Variants in SNTG2 observed in about 807,000 individuals in gnomAD.
SNTG2 encodes gamma-2-syntrophin.
Under a neutral mutation model 70.9 loss-of-function variants are expected in SNTG2, and 74 were observed. The ratio of observed to expected loss-of-function variants is 1.04; its 90% CI spans 0.86 to 1.27. The LOEUF is 1.27. Ranked by LOEUF, SNTG2 falls within the 50% of genes most tolerant of loss-of-function variation. SNTG2 has a pLI of 0.00. For missense variants in SNTG2, 717 were observed against 690.7 expected, an observed-to-expected ratio of 1.04 and a Z score of -0.43; for synonymous variants, 278 against 273.8, an observed-to-expected ratio of 1.02 and a Z score of -0.15.
intron 1 of SNTG2, among the ~76,000 whole-genome samples, chr2:954,197 C>T (rs1010675820): frequency 2.0e-5 from 3 of 151,844 alleles, no homozygotes; most frequent in Non-Finnish European, 4.4e-5. Context: ...GGCAGGTGCT[C>T]GTGGAAATGG....
Position 1,247,436 on chromosome 2 carries a change from C to G in SNTG2, c.998C>G (p.Thr333Ser). ...LKGPSFYVFSTPPVSTFDWVR... is the reference protein window; with the variant it reads ...LKGPSFYVFSSPPVSTFDWVR... ...GGCCCGTCCTTCTACGTTTTCAGCACTCCTCCGGTAAGGATGCTTTTGACA... is the reference window on the plus strand; with the variant it reads ...GGCCCGTCCTTCTACGTTTTCAGCAGTCCTCCGGTAAGGATGCTTTTGACA... Residue 333 changes from threonine (T) to serine (S), a missense_variant, in exon 12 of 17, where the codon ACT becomes AGT. Transcript: ENST00000308624. The G allele has an allele frequency of 6.2e-7, 1 of 1,610,918 alleles. No individual in the cohort carries two copies. Among genetic ancestry groups the G allele is most frequent in the Non-Finnish European group, 8.5e-7 (1 of 1,177,142 alleles).
chr2:1,281,427 TGTGGTGTGTGTGTG>T (rs1679536049), intron 14 of SNTG2, among the ~76,000 whole-genome samples: 1 of 134,028 alleles, frequency 7.5e-6, no homozygotes, highest in African/African-American at 2.9e-5. Flanking sequence ...GTGTGTGTGG[TGTGGTGTGTGTGTG>T]GTGGTATGTG....
chr2:1,239,905 G>T, intron 11 of SNTG2, 129 bp downstream of exon 11: 1 of 1,138,868 alleles, frequency 8.8e-7, no homozygotes. Flanking sequence ...ATGTTGATAG[G>T]AAAACATTAG....
chr2:1,283,484 A>G (rs889592805), intron 14 of SNTG2, among the ~76,000 whole-genome samples: 2 of 152,164 alleles, frequency 1.3e-5, no homozygotes, highest in Non-Finnish European at 2.9e-5. Flanking sequence ...GTGCACCTGC[A>G]GGGCATCCAG....
intron 1 of SNTG2, among the ~76,000 whole-genome samples, chr2:1,034,593 C>A (rs1488468791): frequency 6.6e-6 from 1 of 152,154 alleles, no homozygotes; most frequent in Non-Finnish European, 1.5e-5. Flanking sequence ...TAAGTGTTCT[C>A]TTTTCTCTGC....
chr2:993,186 T>C (rs1307677019), intron 1 of SNTG2, among the ~76,000 whole-genome samples: 1 of 150,074 alleles, frequency 6.7e-6, no homozygotes, highest in Non-Finnish European at 1.5e-5. Context: ...TAACGTGTCA[T>C]CTAGCATTAG....
chr2:1,318,120 G>C (rs1044235701), intron 16 of SNTG2, among the ~76,000 whole-genome samples: 1 of 152,124 alleles, frequency 6.6e-6, no homozygotes, highest in Admixed American at 6.5e-5. Flanking sequence ...ACTATTGACA[G>C]GTGTTGACTT....
intron 1 of SNTG2, among the ~76,000 whole-genome samples, chr2:988,430 GT>G (rs1225404522): frequency 6.6e-6 from 1 of 152,210 alleles, no homozygotes; most frequent in Non-Finnish European, 1.5e-5. Context: ...ACCACGTGGA[GT>G]TTTGATTTTT....
chr2:1,113,157 G>GTACTAA (rs1491266854), intron 4 of SNTG2, among the ~76,000 whole-genome samples: 1 of 105,794 alleles, frequency 9.5e-6, no homozygotes, highest in African/African-American at 3.7e-5. Context: ...GGAGGATCGT[G>GTACTAA]GGTACTAAGT....
At chr2:1,311,633 TATG>T (rs1175231718) in intron 15 of SNTG2, among the ~76,000 whole-genome samples, 1 of 152,216 alleles carries the variant, frequency 6.6e-6, no homozygotes, top group Non-Finnish European at 1.5e-5. Flanking sequence ...TGATGAATGA[TATG>T]ATGAAAGAAT....
intron 1 of SNTG2, among the ~76,000 whole-genome samples, chr2:961,105 T>C (rs1660334742): frequency 6.6e-6 from 1 of 152,270 alleles, no homozygotes; most frequent in South Asian, 2.1e-4. Flanking sequence ...CCAGAGTTTC[T>C]AGTAAATGAG....
intron 1 of SNTG2, among the ~76,000 whole-genome samples, chr2:958,599 A>G (rs1002933357): frequency 1.3e-5 from 2 of 152,240 alleles, no homozygotes; most frequent in African/African-American, 2.4e-5. Flanking sequence ...AAAACCTCTA[A>G]AGTCACCATT....
At chr2:1,327,716 C>T (rs371936728) in intron 16 of SNTG2, among the ~76,000 whole-genome samples, 1 of 152,134 alleles carries the variant, frequency 6.6e-6, no homozygotes, top group Non-Finnish European at 1.5e-5. Flanking sequence ...TTACTGATAA[C>T]TCCAAAAACA....
rs1181282969 is a variant in SNTG2, at chr2:1,031,525, TA to T, written c.73-51992del. Among the ~76,000 whole-genome samples, 585 of 61,428 alleles carry T rather than the reference TA, an allele frequency of 9.5e-3. 18 individuals are homozygous for T. Among genetic ancestry groups the T allele is most frequent in the Non-Finnish European group, 0.016 (486 of 31,336 alleles). The allele number at this position is 61,428 out of a possible 152,430, so 40.3% of individuals were successfully genotyped here. ...GTTCATTGTTATATATATATATATA[TA>T]TATTTTTTTTTTTTTTTTTTTTGAG... On this transcript the variant is annotated intron_variant, in intron 1 of 16. Transcript: ENST00000308624.
intron 8 of SNTG2, among the ~76,000 whole-genome samples, chr2:1,207,063 T>A (rs4487115): frequency 0.32 from 49,288 of 152,078 alleles, 8,542 homozygotes; most frequent in East Asian, 0.66. Context: ...AAATTAAATG[T>A]ATAGGGATAA....
chr2:1,075,704 T>A (rs931860591), intron 1 of SNTG2, among the ~76,000 whole-genome samples: 1 of 152,254 alleles, frequency 6.6e-6, no homozygotes, highest in Non-Finnish European at 1.5e-5. Flanking sequence ...TACTTGTTGA[T>A]GTCTTCATTC....
chr2:1,005,859 ATATATATATAT>A, intron 1 of SNTG2, among the ~76,000 whole-genome samples: 1 of 24,086 alleles, frequency 4.2e-5, no homozygotes, highest in South Asian at 1.5e-3. Context: ...ATATATATAT[ATATATATATAT>A]ATATAAACGT....
At chr2:1,010,229 A>G (rs1188717100) in intron 1 of SNTG2, among the ~76,000 whole-genome samples, 2 of 152,284 alleles carry the variant, frequency 1.3e-5, no homozygotes, top group African/African-American at 2.4e-5. Flanking sequence ...GGGACCCAGA[A>G]CTCAGGCTGC....
Position 982,000 on chromosome 2 carries a change from G to A in SNTG2, c.72+30932G>A, listed in dbSNP as rs113063862. On this transcript the variant is annotated intron_variant, in intron 1 of 16. Transcript: ENST00000308624. ...CACTCACATGCACTTGTGCACACAC[G>A]TGTCCACACAGATGCACACAGACAC... Among the ~76,000 whole-genome samples, 64 of 151,586 alleles carry A rather than the reference G, an allele frequency of 4.2e-4. 1 individual carries two copies. In the East Asian group the frequency reaches 9.9e-3, roughly 24 times the overall value.
Sources: allele counts gnomAD v4.1 joint callset (sites outside exome capture counted in the v4.1 genomes callset), GRCh38; gene constraint gnomAD v4.1.1; transcripts MANE v1.5; gene names NCBI Gene and HGNC (gene_info 2026-07-23, HGNC 2026-07-21).